The following MYH14 variants were observed in gnomAD, a reference collection of about 807,000 sequenced individuals.
MYH14 encodes the protein myosin-14.
A neutral mutation model predicts 255.5 loss-of-function variants in MYH14; 123 were observed. The ratio of observed to expected loss-of-function variants is 0.48; its 90% CI spans 0.42 to 0.56. MYH14 has a LOEUF of 0.56. MYH14 is among the 20% of genes least tolerant of loss of function. The pLI, the probability that MYH14 is intolerant of heterozygous loss-of-function variation, is 0.00. For synonymous variants in MYH14, 1,095 were observed against 1,161.2 expected, an observed-to-expected ratio of 0.94 and a Z score of 1.16; for missense variants, 2,423 against 2,802.3, an observed-to-expected ratio of 0.86 and a Z score of 3.06.
chr19:50,209,417 G>A (rs2032021201), intron 1 of MYH14, among the ~76,000 whole-genome samples: 1 of 152,126 alleles, frequency 6.6e-6, no homozygotes, highest in Admixed American at 6.5e-5. Context: ...GGAGGCTGAA[G>A]AGGGTGGATC....
At chr19:50,268,430 T>C (rs569655344) in intron 24 of MYH14, 63 bp downstream of exon 24, 1 of 1,490,626 alleles carries the variant, frequency 6.7e-7, no homozygotes, top group Admixed American at 2.1e-5. Flanking sequence ...CCATCCACCT[T>C]TGCTTCTACA....
intron 24 of MYH14, among the ~76,000 whole-genome samples, chr19:50,268,574 C>G (rs149250140): frequency 4.7e-4 from 72 of 152,328 alleles, no homozygotes; most frequent in African/African-American, 1.6e-3. Flanking sequence ...ATCCAGGCAT[C>G]CAAGTGATAT....
intron 1 of MYH14, among the ~76,000 whole-genome samples, chr19:50,207,271 C>CAGAGAGAGACAG (rs2031836679): frequency 1.3e-5 from 1 of 76,804 alleles, no homozygotes; most frequent in African/African-American, 5.1e-5. Context: ...GAGAGAGAGA[C>CAGAGAGAGACAG]AGAGAGAGAG....
chr19:50,259,224 G>A lies in MYH14; in HGVS notation c.2313G>A (p.Gln771=). The A allele has an allele frequency of 2.5e-6, 4 of 1,589,480 alleles. No individual in the cohort carries two copies. The highest frequency in any genetic ancestry group is 1.1e-5 in the South Asian group (1 of 87,554). The change falls in exon 19 of 43, where the codon CAG becomes CAA. Residue 771 remains glutamine, a synonymous_variant. Coordinates refer to ENST00000642316, the MANE Select transcript of MYH14 (RefSeq NM_001145809.2). ...TGGAGGGCATCCGCATCTGTCGCCA[G>A]GGCTTCCCCAACCGCATCCTCTTCC... ...GVLEGIRICR[Q]GFPNRILFQE...
intron 39 of MYH14, 102 bp from the exon 40 acceptor site, chr19:50,301,559 T>G (rs2036481322): frequency 2.5e-6 from 2 of 784,894 alleles, no homozygotes; most frequent in Non-Finnish European, 4.4e-6. Context: ...GCTATGCGTG[T>G]GACAATCATC....
Position 50,292,278 on chromosome 19 carries a change from A to G in MYH14, c.5145A>G (p.Leu1715=), listed in dbSNP as rs2036102207. The G allele has an allele frequency of 6.2e-7, 1 of 1,603,716 alleles. No individual in the cohort carries two copies. Among genetic ancestry groups the G allele is most frequent in the Non-Finnish European group, 8.5e-7 (1 of 1,175,736 alleles). The part of the protein sequence containing the change: ...LRKMQAQMKE[L]WREVEETRTS... ...CCACCCAGGCCCAGATGAAGGAGCT[A>G]TGGCGGGAGGTGGAGGAGACACGCA... is the stretch of plus-strand genomic sequence containing the variant. Residue 1715 remains leucine (L), a synonymous_variant, in exon 37 of 43, where the codon CTA becomes CTG. Transcript: ENST00000642316.
chr19:50,287,829 A>G (rs758537421), intron 34 of MYH14, among the ~76,000 whole-genome samples: 3 of 152,168 alleles, frequency 2.0e-5, no homozygotes, highest in Non-Finnish European at 4.4e-5. Context: ...AGAATTTACT[A>G]CAACACACAG....
In MYH14 at chr19:50,252,802, T is replaced by C. The variant is rs1312399414; in HGVS notation, c.1945+49T>C. On this transcript the variant is annotated intron_variant, in intron 16 of 42. Coordinates refer to ENST00000642316, the MANE Select transcript of MYH14 (RefSeq NM_001145809.2). This position sits in a 1 kb window ranked among gnomAD's most constrained non-coding sequence, Gnocchi z 4.2. Reference sequence around the variant, plus strand: ...CGGCTCTAGGGGTCTGTGCGGCCATTCTCCAAATCCACAGCGTGAGCACCT... The same window carrying C: ...CGGCTCTAGGGGTCTGTGCGGCCATCCTCCAAATCCACAGCGTGAGCACCT... 1 of 1,353,832 alleles carries C rather than the reference T, an allele frequency of 7.4e-7. No homozygotes were observed. 83.9% of individuals were successfully genotyped at this position (1,353,832 alleles called of 1,614,324 possible). A position where few individuals can be genotyped will look rare whatever the true frequency, so the allele number is the denominator to read the frequency against.
At chr19:50,233,418 C>T (rs1009805013) in intron 10 of MYH14, among the ~76,000 whole-genome samples, 7 of 152,164 alleles carry the variant, frequency 4.6e-5, no homozygotes, top group Admixed American at 6.5e-5. Context: ...GATCCACCCT[C>T]CTCGGCCTCT....
At chr19:50,207,261 G>C (rs2031830630) in intron 1 of MYH14, among the ~76,000 whole-genome samples, 5 of 130,632 alleles carry the variant, frequency 3.8e-5, no homozygotes, top group Non-Finnish European at 6.2e-5. Flanking sequence ...GAGAGAAAGA[G>C]AGAGAGAGAC....
intron 1 of MYH14, among the ~76,000 whole-genome samples, chr19:50,209,655 G>T (rs1568460460): frequency 1.3e-5 from 2 of 151,638 alleles, no homozygotes; most frequent in Non-Finnish European, 2.9e-5. Flanking sequence ...ATGGTGGCAG[G>T]CGCCTGTAGT....
chr19:50,259,372 G>A (rs1421836810), intron 19 of MYH14, 107 bp downstream of exon 19: 9 of 1,420,124 alleles, frequency 6.3e-6, no homozygotes, highest in African/African-American at 2.9e-5. Context: ...TTCCTTCTGC[G>A]CTGGGGAAGT....
At chr19:50,215,128 G>C (rs1201547396) in intron 2 of MYH14, among the ~76,000 whole-genome samples, 3 of 152,120 alleles carry the variant, frequency 2.0e-5, no homozygotes, top group African/African-American at 7.2e-5. Flanking sequence ...ACCAGCCTTT[G>C]TTCTTCCCCC....
At chr19:50,274,007 C>T (rs2035414591) in intron 27 of MYH14, among the ~76,000 whole-genome samples, 1 of 152,230 alleles carries the variant, frequency 6.6e-6, no homozygotes, top group East Asian at 1.9e-4. Flanking sequence ...ATGCAAATCA[C>T]ATCACCTCTC....
intron 2 of MYH14, among the ~76,000 whole-genome samples, chr19:50,215,005 A>T (rs2032396062): frequency 6.6e-6 from 1 of 150,652 alleles, no homozygotes; most frequent in Non-Finnish European, 1.5e-5. Flanking sequence ...GAAAGTCACC[A>T]GGCTGAGGGG....
chr19:50,267,580 C>T (rs1600984146), intron 23 of MYH14, among the ~76,000 whole-genome samples: 1 of 150,558 alleles, frequency 6.6e-6, no homozygotes, highest in Non-Finnish European at 1.5e-5. Context: ...GAGATGGCGC[C>T]ACCGCACTCC....
chr19:50,255,187 C>T (rs886625794), intron 16 of MYH14, 33 bp from the exon 17 acceptor site: 34 of 1,413,592 alleles, frequency 2.4e-5, no homozygotes, highest in Non-Finnish European at 3.1e-5. Context: ...CATCTCCCCT[C>T]CACCCACCCA....
intron 16 of MYH14, among the ~76,000 whole-genome samples, chr19:50,254,811 G>A (rs1600950762): frequency 6.6e-6 from 1 of 152,270 alleles, no homozygotes; most frequent in Middle Eastern, 3.4e-3. Flanking sequence ...GACAGCCCAG[G>A]GAAAAACGGA....
At chr19:50,213,361 T>G (rs2032301937) in intron 2 of MYH14, among the ~76,000 whole-genome samples, 1 of 152,164 alleles carries the variant, frequency 6.6e-6, no homozygotes, top group Non-Finnish European at 1.5e-5. Flanking sequence ...GGGGCAGGAT[T>G]TGAACATAAG....
Sources: gnomAD v4.1 joint callset for allele counts (sites outside exome capture counted in the v4.1 genomes callset) on GRCh38, gnomAD v4.1.1 for gene constraint, Gnocchi (gnomAD v3.1) non-coding constraint, MANE v1.5 for transcripts, NCBI Gene and HGNC (gene_info 2026-07-23, HGNC 2026-07-21) for gene names.